Variants in HNF1B observed in about 807,000 individuals in gnomAD.
The protein encoded by HNF1B is HNF1 homeobox B.
In HNF1B, 8 loss-of-function variants were observed where a neutral mutation model predicts 61.7. The ratio of observed to expected loss-of-function variants is 0.13; its 90% confidence interval spans 0.08 to 0.23. The LOEUF is 0.23. HNF1B is among the 10% of genes least tolerant of loss of function. The pLI is 1.00. For synonymous variants in HNF1B, 314 were observed against 287.7 expected (o/e 1.09, Z -0.93); for missense variants, 562 against 714.5 (o/e 0.79, Z 2.43).
At chr17:37,731,482 T>C (rs2033680465) in intron 4 of HNF1B, 113 bp downstream of exon 4, 1 of 840,842 alleles carries the variant, frequency 1.2e-6, no homozygotes, top group African/African-American at 1.7e-5. Flanking sequence ...AGAGCGGCCC[T>C]AGGATCATCT....
At chr17:37,690,817 C>T (rs2032175860) in intron 8 of HNF1B, among the ~76,000 whole-genome samples, 2 of 152,224 alleles carry the variant, frequency 1.3e-5, no homozygotes, top group Admixed American at 6.5e-5. Flanking sequence ...AGACATGCGT[C>T]TGTCCCTGCC....
At chr17:37,698,829 A>G (rs978425375) in intron 8 of HNF1B, among the ~76,000 whole-genome samples, 4 of 152,156 alleles carry the variant, frequency 2.6e-5, no homozygotes, top group Non-Finnish European at 5.9e-5. Context: ...TCCAGTCTCC[A>G]GCAACCTATC....
chr17:37,716,699 T>C (rs753270501), intron 4 of HNF1B, among the ~76,000 whole-genome samples: 4 of 152,140 alleles, frequency 2.6e-5, no homozygotes, highest in Non-Finnish European at 4.4e-5. Flanking sequence ...ACCAGAGACT[T>C]TGCAGAAACC....
At chr17:37,739,720 T>C (rs1020518117) in intron 1 of HNF1B, 81 bp from the exon 2 acceptor site, 1 of 1,285,706 alleles carries the variant, frequency 7.8e-7, no homozygotes, top group Non-Finnish European at 1.1e-6. Flanking sequence ...GTGCTACCTA[T>C]GGTCTATGCA....
At chr17:37,720,739 A>G in intron 4 of HNF1B, 3 of 969,234 alleles carry the variant, frequency 3.1e-6, no homozygotes, top group Non-Finnish European at 3.7e-6. Context: ...AAGCTACCTC[A>G]GGCTCAGATG....
intron 1 of HNF1B, 120 bp downstream of exon 1, chr17:37,744,421 C>G: frequency 9.8e-7 from 1 of 1,022,188 alleles, no homozygotes; most frequent in Non-Finnish European, 1.5e-6. Flanking sequence ...GAGCGCCCCC[C>G]GGGGGACTTC....
At chr17:37,694,642 A>T (rs907984579) in intron 8 of HNF1B, among the ~76,000 whole-genome samples, 2 of 152,046 alleles carry the variant, frequency 1.3e-5, no homozygotes, top group Non-Finnish European at 2.9e-5. Context: ...GGCTGATGAG[A>T]TCTCAGATGG....
intron 2 of HNF1B, among the ~76,000 whole-genome samples, chr17:37,738,185 G>T (rs1002466165): frequency 7.9e-5 from 12 of 151,890 alleles, no homozygotes; most frequent in African/African-American, 2.7e-4. Context: ...TTCTTAAAGA[G>T]CTAGTCACCA....
chr17:37,692,210 T>G (rs1178308846), intron 8 of HNF1B, among the ~76,000 whole-genome samples: 1 of 152,244 alleles, frequency 6.6e-6, no homozygotes, highest in Non-Finnish European at 1.5e-5. Context: ...GTTCCTGACC[T>G]GTAATCCCCA....
chr17:37,725,041 T>C (rs185633209), intron 4 of HNF1B, among the ~76,000 whole-genome samples: 7 of 152,280 alleles, frequency 4.6e-5, no homozygotes, highest in African/African-American at 1.7e-4. Context: ...AGCCAGATCT[T>C]GTTCCATTCC....
intron 5 of HNF1B, among the ~76,000 whole-genome samples, chr17:37,709,902 T>C (rs987908384): frequency 3.3e-5 from 5 of 152,170 alleles, no homozygotes; most frequent in African/African-American, 9.7e-5. Flanking sequence ...ACCTGGGCAA[T>C]TGTAACTTCA....
chr17:37,699,473 A>G (rs1465701301), intron 7 of HNF1B, among the ~76,000 whole-genome samples: 2 of 152,256 alleles, frequency 1.3e-5, no homozygotes, highest in Non-Finnish European at 2.9e-5. Context: ...GAACGGGAGC[A>G]AAGGTCACTG....
intron 2 of HNF1B, among the ~76,000 whole-genome samples, chr17:37,737,582 C>T (rs1467514385): frequency 3.9e-5 from 6 of 151,934 alleles, no homozygotes; most frequent in Admixed American, 3.9e-4. Context: ...AATCCCAGCA[C>T]TTTGGGAGGC....
At chr17:37,691,537 C>G (rs2032204895) in intron 8 of HNF1B, among the ~76,000 whole-genome samples, 1 of 152,102 alleles carries the variant, frequency 6.6e-6, no homozygotes, top group Non-Finnish European at 1.5e-5. Context: ...GGGGTGCTAG[C>G]AGGGGAAGCC....
intron 4 of HNF1B, among the ~76,000 whole-genome samples, chr17:37,726,230 G>A (rs1019403463): frequency 2.0e-5 from 3 of 152,180 alleles, no homozygotes; most frequent in Non-Finnish European, 2.9e-5. Flanking sequence ...AGCAAAAAGA[G>A]ATGGACAGTG....
intron 4 of HNF1B, chr17:37,729,727 G>A (rs2033625546): frequency 6.6e-6 from 1 of 152,280 alleles, no homozygotes; most frequent in African/African-American, 2.4e-5. Context: ...GGAAAGTATG[G>A]AGTGGGAACC....
chr17:37,726,572 C>T (rs1381874139), intron 4 of HNF1B, among the ~76,000 whole-genome samples: 1 of 152,118 alleles, frequency 6.6e-6, no homozygotes, highest in East Asian at 1.9e-4. Context: ...GGTACCCTGG[C>T]CCAGAGTTTG....
chr17:37,686,448 G>C lies in HNF1B; in HGVS notation c.*924C>G, dbSNP rs10962. The C allele has an allele frequency of 0.22, 33,824 of 151,952 alleles. 3,992 individuals are homozygous for C. The highest frequency in any genetic ancestry group is 0.33 in the Admixed American group (5,100 of 15,266). 9.4% of individuals were successfully genotyped at this position (151,952 alleles called of 1,614,324 possible). Reference sequence around the variant, plus strand: ...ACTCTGGGTAGTGATAAAATAAATTGTTTTAATGGAAGGCTTTCTGAGACT... The same window carrying C: ...ACTCTGGGTAGTGATAAAATAAATTCTTTTAATGGAAGGCTTTCTGAGACT... On this transcript the variant is annotated 3_prime_UTR_variant, in exon 9 of 9. Transcript: ENST00000617811.
chr17:37,742,753 C>G (rs867259085), intron 1 of HNF1B, among the ~76,000 whole-genome samples: 29 of 151,510 alleles, frequency 1.9e-4, no homozygotes, highest in African/African-American at 6.8e-4. Context: ...CTCCGCCGGC[C>G]GGGCCTGCGG....
Sources: gnomAD v4.1 joint callset for allele counts (sites outside exome capture counted in the v4.1 genomes callset) on GRCh38, gnomAD v4.1.1 for gene constraint, MANE v1.5 for transcripts, NCBI Gene and HGNC (gene_info 2026-07-23, HGNC 2026-07-21) for gene names.